The following MRAS variants were observed in gnomAD, a reference collection of about 807,000 sequenced individuals.
The protein encoded by MRAS is ras-related protein M-Ras.
A neutral mutation model predicts 20.9 loss-of-function variants in MRAS; 4 were observed. That is an observed-to-expected ratio of 0.19 (90% CI 0.09 to 0.44). The LOEUF (loss-of-function observed/expected upper bound fraction) is 0.44, where lower values mean the gene tolerates loss of function less well. MRAS is among the 20% of genes least tolerant of loss of function. MRAS has a pLI of 0.99. For missense variants in MRAS, 154 were observed against 277.5 expected, an observed-to-expected ratio of 0.56 and a Z score of 3.16; for synonymous variants, 98 against 102.9, an observed-to-expected ratio of 0.95 and a Z score of 0.29.
Position 138,397,401 on chromosome 3 carries a change from G to A in MRAS, c.271G>A (p.Val91Ile), listed in dbSNP as rs2055260842. Residue 91 changes from valine (V) to isoleucine (I), a missense_variant, in exon 3 of 6, where the codon GTC (valine) becomes ATC (isoleucine). Coordinates refer to ENST00000423968, the MANE Select transcript of MRAS (RefSeq NM_001085049.3). Reference sequence around the variant, plus strand: ...GCGCACGGGGGATGGCTTCCTCATCGTCTACTCCGTCACTGACAAGGCCAG... The same window carrying A: ...GCGCACGGGGGATGGCTTCCTCATCATCTACTCCGTCACTGACAAGGCCAG... ...YMRTGDGFLIVYSVTDKASFE... is the reference protein window; with the variant it reads ...YMRTGDGFLIIYSVTDKASFE... 3.7e-6 allele frequency: 6 copies of A among 1,614,002 alleles called. No homozygotes were observed. Among genetic ancestry groups the A allele is most frequent in the African/African-American group, 1.3e-5 (1 of 74,908 alleles).
intron 2 of MRAS, among the ~76,000 whole-genome samples, chr3:138,384,495 C>A (rs959655647): frequency 5.3e-5 from 8 of 152,152 alleles, no homozygotes; most frequent in African/African-American, 1.9e-4. Flanking sequence ...CCTGAAGAAC[C>A]AGTAGCATAG....
chr3:138,396,086 G>A (rs1008981086), intron 2 of MRAS, among the ~76,000 whole-genome samples: 1 of 152,204 alleles, frequency 6.6e-6, no homozygotes, highest in African/African-American at 2.4e-5. Context: ...GCTCACCAAG[G>A]CCAGTGGAGA....
chr3:138,360,673 A>G lies in MRAS; in HGVS notation c.-19+11906A>G, dbSNP rs149415967. ...CTCTAGGTCCTGTGTGGCCCATGGC[A>G]TAGTGCCCACATCACCTCTGTCCTA... is the stretch of plus-strand genomic sequence containing the variant. On this transcript the variant is annotated intron_variant, in intron 1 of 5. Coordinates refer to ENST00000423968, the MANE Select transcript of MRAS (RefSeq NM_001085049.3). Among the ~76,000 whole-genome samples, 1,368 of 152,308 alleles carry G rather than the reference A, an allele frequency of 9.0e-3. 10 individuals carry two copies. The highest frequency in any genetic ancestry group is 0.015 in the Admixed American group (226 of 15,310).
At chr3:138,367,076 A>G (rs1254712195) in intron 1 of MRAS, among the ~76,000 whole-genome samples, 2 of 152,134 alleles carry the variant, frequency 1.3e-5, no homozygotes, top group Non-Finnish European at 2.9e-5. Context: ...CCGTTTTGCC[A>G]TTTTGTGGGG....
At chr3:138,375,899 A>T (rs1269060402) in intron 2 of MRAS, among the ~76,000 whole-genome samples, 2 of 152,002 alleles carry the variant, frequency 1.3e-5, no homozygotes, top group Non-Finnish European at 2.9e-5. Context: ...GAGGTGGGAG[A>T]ATCACTTGAG....
chr3:138,358,643 A>G (rs1041819120), intron 1 of MRAS, among the ~76,000 whole-genome samples: 1 of 152,276 alleles, frequency 6.6e-6, no homozygotes, highest in African/African-American at 2.4e-5. Flanking sequence ...AGTGGAGAAT[A>G]GAACAGAGGG....
At chr3:138,399,439 A>G (rs576812916) in intron 4 of MRAS, among the ~76,000 whole-genome samples, 2 of 152,278 alleles carry the variant, frequency 1.3e-5, no homozygotes, top group African/African-American at 2.4e-5. Context: ...AGAAGTGTGC[A>G]CATCCAACCT....
intron 1 of MRAS, among the ~76,000 whole-genome samples, chr3:138,371,035 T>C (rs2054664143): frequency 6.6e-6 from 1 of 152,212 alleles, no homozygotes; most frequent in Non-Finnish European, 1.5e-5. Flanking sequence ...CATTAAGTTA[T>C]TTCTATTTTC....
intron 2 of MRAS, among the ~76,000 whole-genome samples, chr3:138,391,965 C>CT (rs1392669990): frequency 6.6e-6 from 1 of 152,108 alleles, no homozygotes; most frequent in Non-Finnish European, 1.5e-5. Context: ...TGGTGAAACT[C>CT]TGTCTCTACT....
At chr3:138,387,224 A>G (rs993682343) in intron 2 of MRAS, among the ~76,000 whole-genome samples, 2 of 152,186 alleles carry the variant, frequency 1.3e-5, no homozygotes, top group Admixed American at 1.3e-4. Context: ...AAAGGGGGAG[A>G]AGCCAGTGCA....
chr3:138,396,379 C>T lies in MRAS; in HGVS notation c.194-945C>T, dbSNP rs116207444. Among the ~76,000 whole-genome samples the T allele has an allele frequency of 7.1e-3, 1,088 of 152,304 alleles. 11 individuals carry two copies. The highest frequency in any genetic ancestry group is 0.025 in the African/African-American group (1,044 of 41,564). On this transcript the variant is annotated intron_variant, in intron 2 of 5. Coordinates refer to ENST00000423968, the MANE Select transcript of MRAS (RefSeq NM_001085049.3). ...GCTGGCTCCAAAATCTGTAACCACC[C>T]GCTCCCCTGCCTCACAGGAGAGGGG...
At chr3:138,356,791 T>C (rs774373) in intron 1 of MRAS, among the ~76,000 whole-genome samples, 129,608 of 152,194 alleles carry the variant, frequency 0.85, 55,560 homozygotes, top group East Asian at 0.97. Flanking sequence ...CTCATGCTCC[T>C]GCTGAGGAAG....
rs188793713 is a variant in MRAS at position 138,397,255 on chromosome 3, G to C, written c.194-69G>C. ...AGGGACAGCAGCAGCAGCAGTGTTG[G>C]AGTCTTGCAGGCTGTGGGGGCTACA... is the stretch of plus-strand genomic sequence containing the variant. On this transcript the variant is annotated intron_variant, in intron 2 of 5. Transcript: ENST00000423968. The C allele has an allele frequency of 1.2e-5, 18 of 1,559,710 alleles. No homozygotes were observed. In the East Asian group the frequency reaches 2.5e-4, roughly 22 times the overall value.
intron 1 of MRAS, among the ~76,000 whole-genome samples, chr3:138,356,386 A>T: frequency 6.6e-6 from 1 of 152,262 alleles, no homozygotes. Flanking sequence ...AGCATTATGT[A>T]TTCATTTCAA....
At chr3:138,378,027 T>C (rs1225909720) in intron 2 of MRAS, among the ~76,000 whole-genome samples, 2 of 152,250 alleles carry the variant, frequency 1.3e-5, no homozygotes, top group African/African-American at 2.4e-5. Context: ...GTCAGTCTGG[T>C]TGTGTAGGAA....
chr3:138,384,998 G>T (rs1487545997), intron 2 of MRAS, among the ~76,000 whole-genome samples: 1 of 152,104 alleles, frequency 6.6e-6, no homozygotes, highest in Non-Finnish European at 1.5e-5. Flanking sequence ...TGATGGAGTG[G>T]TTGGAGATGA....
In MRAS at chr3:138,398,576, T is replaced by A; in HGVS notation, c.447+8T>A. 1 of 1,613,112 alleles carries A rather than the reference T, an allele frequency of 6.2e-7. No individual in the cohort carries two copies. Among genetic ancestry groups the A allele is most frequent in the Non-Finnish European group, 8.5e-7 (1 of 1,179,134 alleles). On this transcript the variant is annotated splice_region_variant and intron_variant, in intron 4 of 5. Coordinates refer to ENST00000423968, the MANE Select transcript of MRAS (RefSeq NM_001085049.3). The stretch of plus-strand genomic sequence containing the variant: ...ATGGCGACCAAACACAATGTAGGTG[T>A]GTGCGTGTGTGTAGAGGGGGTCAGG...
At position 138,398,583 on chromosome 3, in the gene MRAS, G is replaced by T. The variant is rs1419213597; in HGVS notation, c.447+15G>T. 2 of 1,609,962 alleles carry T rather than the reference G, an allele frequency of 1.2e-6. No individual in the cohort carries two copies. Among genetic ancestry groups the T allele is most frequent in the Admixed American group, 1.7e-5 (1 of 60,006 alleles). On this transcript the variant is annotated intron_variant, in intron 4 of 5. Coordinates refer to ENST00000423968, the MANE Select transcript of MRAS (RefSeq NM_001085049.3). Reference sequence around the variant, plus strand: ...CCAAACACAATGTAGGTGTGTGCGTGTGTGTAGAGGGGGTCAGGAGATGTG... The same window carrying T: ...CCAAACACAATGTAGGTGTGTGCGTTTGTGTAGAGGGGGTCAGGAGATGTG...
At chr3:138,362,726 C>T (rs1466420959) in intron 1 of MRAS, among the ~76,000 whole-genome samples, 1 of 152,192 alleles carries the variant, frequency 6.6e-6, no homozygotes, top group Non-Finnish European at 1.5e-5. Flanking sequence ...CCTAGCCCTG[C>T]AGCCTTGGGC....
Sources: allele counts gnomAD v4.1 joint callset (sites outside exome capture counted in the v4.1 genomes callset), GRCh38; gene constraint gnomAD v4.1.1; transcripts MANE v1.5; gene names NCBI Gene and HGNC (gene_info 2026-07-23, HGNC 2026-07-21).